SCEL: variants seen among roughly 807,000 people sequenced by gnomAD.
The protein encoded by SCEL is sciellin.
Under a neutral mutation model 117.6 loss-of-function variants are expected in SCEL, and 113 were observed. The ratio of observed to expected loss-of-function variants is 0.96; its 90% CI spans 0.83 to 1.12. SCEL has a LOEUF of 1.12. Among genes scored for constraint, SCEL ranks in the 50% most tolerant of loss-of-function variants. The probability of loss-of-function intolerance (pLI) is 0.00; values close to 1 mark genes in which losing one functional copy is unlikely to be tolerated. For missense variants in SCEL, 785 were observed against 810.8 expected, an observed-to-expected ratio of 0.97 and a Z score of 0.39; for synonymous variants, 270 against 256.2, an observed-to-expected ratio of 1.05 and a Z score of -0.51.
chr13:77,593,295 T>TGCGCGCGCGC lies in SCEL; in HGVS notation c.693-218_693-217insCGCGCGCGCG, dbSNP rs1555510777. On this transcript the variant is annotated intron_variant, in intron 11 of 32. Coordinates refer to ENST00000349847, the MANE Select transcript of SCEL (RefSeq NM_144777.3). Reference sequence around the variant, plus strand: ...GTGTGTGTGTGTGTGTGTGTGTGTGTGTCTGTGTGTGTGTGTGTGTGTGTC... The same window carrying TGCGCGCGCGC: ...GTGTGTGTGTGTGTGTGTGTGTGTGTGCGCGCGCGCGTCTGTGTGTGTGTGTGTGTGTGTC... Among the ~76,000 whole-genome samples the TGCGCGCGCGC allele has an allele frequency of 4.9e-3, 669 of 136,878 alleles. 5 individuals are homozygous for TGCGCGCGCGC. The highest frequency in any genetic ancestry group is 7.5e-3 in the Non-Finnish European group (466 of 62,536). The allele number at this position is 136,878 out of a possible 152,430, so 89.8% of individuals were successfully genotyped here.
intron 5 of SCEL, among the ~76,000 whole-genome samples, chr13:77,564,158 G>C (rs1195012377): frequency 6.6e-6 from 1 of 150,998 alleles, no homozygotes; most frequent in African/African-American, 2.4e-5. Context: ...CAGCTAGGGT[G>C]GGTACTGTGC....
chr13:77,632,926 T>C (rs934031717), intron 28 of SCEL, among the ~76,000 whole-genome samples: 1 of 152,246 alleles, frequency 6.6e-6, no homozygotes, highest in East Asian at 1.9e-4. Flanking sequence ...AATTGATAAA[T>C]TCTTAGATAT....
At chr13:77,589,012 C>CAGGT in intron 9 of SCEL, 132 bp from the exon 10 acceptor site, 1 of 656,518 alleles carries the variant, frequency 1.5e-6, no homozygotes, top group Non-Finnish European at 2.7e-6. Context: ...TCTGACCTTT[C>CAGGT]AGGTACCTCA....
chr13:77,550,684 A>T (rs2154395054), intron 1 of SCEL, among the ~76,000 whole-genome samples: 1 of 152,262 alleles, frequency 6.6e-6, no homozygotes, highest in South Asian at 2.1e-4. Context: ...ACATTGTAAG[A>T]TGAATCAGTA....
chr13:77,590,225 A>G (rs1389728088), intron 10 of SCEL, among the ~76,000 whole-genome samples: 9 of 152,116 alleles, frequency 5.9e-5, no homozygotes, highest in Non-Finnish European at 1.0e-4. Flanking sequence ...ACCATGTAGC[A>G]ATAGGTGTTA....
rs144582689 is a variant in SCEL, at chr13:77,560,865, G to A, written c.221+1002G>A. 2.5e-3 allele frequency among the ~76,000 whole-genome samples: 376 copies of A among 152,278 alleles called. 2 individuals are homozygous for A. Among genetic ancestry groups the A allele is most frequent in the African/African-American group, 8.3e-3 (345 of 41,540 alleles). ...AGGGAGTGTGAATGTCTTCTATGGTGTGGATCTTAAAAAGTTAAGCAGACA... is the reference window on the plus strand; with the variant it reads ...AGGGAGTGTGAATGTCTTCTATGGTATGGATCTTAAAAAGTTAAGCAGACA... On this transcript the variant is annotated intron_variant, in intron 4 of 32. Coordinates refer to ENST00000349847, the MANE Select transcript of SCEL (RefSeq NM_144777.3).
chr13:77,589,089 G>T, intron 9 of SCEL, 55 bp from the exon 10 acceptor site: 1 of 1,313,750 alleles, frequency 7.6e-7, no homozygotes, highest in Non-Finnish European at 1.1e-6. Flanking sequence ...GTTAATAGAT[G>T]CTAAAATTTA....
intron 9 of SCEL, among the ~76,000 whole-genome samples, chr13:77,587,667 G>A (rs1412869784): frequency 1.3e-5 from 2 of 152,086 alleles, no homozygotes; most frequent in Non-Finnish European, 2.9e-5. Context: ...AAATGGCCAA[G>A]TACTCTTTCC....
intron 8 of SCEL, among the ~76,000 whole-genome samples, chr13:77,569,796 G>C (rs1450194676): frequency 6.6e-6 from 1 of 152,154 alleles, no homozygotes; most frequent in Non-Finnish European, 1.5e-5. Context: ...GCCTGTATCT[G>C]GAGATGCCGC....
chr13:77,556,550 A>G (rs768778822), intron 2 of SCEL, 46 bp from the exon 3 acceptor site: 1 of 1,526,464 alleles, frequency 6.6e-7, no homozygotes, highest in Non-Finnish European at 9.1e-7. Flanking sequence ...CCCACGCTCA[A>G]CTCCACACTA....
intron 1 of SCEL, among the ~76,000 whole-genome samples, chr13:77,546,496 G>A (rs543245707): frequency 6.6e-6 from 1 of 152,286 alleles, no homozygotes; most frequent in East Asian, 1.9e-4. Flanking sequence ...ATGTGGTACA[G>A]CCGGTGGTAC....
At chr13:77,554,427 C>T (rs1421948585) in intron 1 of SCEL, among the ~76,000 whole-genome samples, 1 of 152,156 alleles carries the variant, frequency 6.6e-6, no homozygotes, top group Non-Finnish European at 1.5e-5. Context: ...TGATCTTCTG[C>T]AGTGCTACTG....
intron 9 of SCEL, among the ~76,000 whole-genome samples, chr13:77,580,322 G>A (rs955603105): frequency 2.0e-5 from 3 of 152,152 alleles, no homozygotes; most frequent in Admixed American, 6.5e-5. Flanking sequence ...GCAGTCACTT[G>A]GGGATGTCTT....
At chr13:77,579,802 A>G (rs919510710) in intron 9 of SCEL, among the ~76,000 whole-genome samples, 4 of 152,218 alleles carry the variant, frequency 2.6e-5, no homozygotes, top group Admixed American at 1.3e-4. Flanking sequence ...AAGCAAGAGT[A>G]AGCCAGATGC....
chr13:77,605,426 G>A (rs1594098343), intron 19 of SCEL, among the ~76,000 whole-genome samples: 2 of 152,144 alleles, frequency 1.3e-5, no homozygotes, highest in Non-Finnish European at 2.9e-5. Context: ...TTCAGTACCT[G>A]GGTGGTTCAG....
At chr13:77,606,549 C>G (rs559084078) in intron 19 of SCEL, 2 of 152,228 alleles carry the variant, frequency 1.3e-5, no homozygotes, top group East Asian at 3.9e-4. Context: ...CAGTCACTGG[C>G]CTTCAAATCC....
At chr13:77,548,549 C>T (rs993797304) in intron 1 of SCEL, among the ~76,000 whole-genome samples, 6 of 152,144 alleles carry the variant, frequency 3.9e-5, no homozygotes, top group Admixed American at 6.5e-5. Flanking sequence ...TAAACATCAG[C>T]GTGCATCTTT....
At chr13:77,604,465 C>T (rs778243532) in intron 19 of SCEL, 50 bp downstream of exon 19, 43 of 1,415,294 alleles carry the variant, frequency 3.0e-5, no homozygotes, top group Middle Eastern at 3.6e-4. Context: ...TTTAGAAGGA[C>T]GTTAGAATTC....
intron 28 of SCEL, among the ~76,000 whole-genome samples, chr13:77,632,668 C>T (rs1232359591): frequency 3.9e-5 from 6 of 152,184 alleles, no homozygotes; most frequent in Non-Finnish European, 5.9e-5. Context: ...TTTCATGTCT[C>T]TTCTATGTCA....
Sources: gnomAD v4.1 joint callset for allele counts (sites outside exome capture counted in the v4.1 genomes callset) on GRCh38, gnomAD v4.1.1 for gene constraint, MANE v1.5 for transcripts, NCBI Gene and HGNC (gene_info 2026-07-23, HGNC 2026-07-21) for gene names.